The following LAPTM4B variants were observed in gnomAD, a reference collection of about 807,000 sequenced individuals.
LAPTM4B encodes the protein lysosomal-associated transmembrane protein 4B.
Under a neutral mutation model 28.5 loss-of-function variants are expected in LAPTM4B, and 26 were observed. That is an observed-to-expected ratio of 0.91 (90% CI 0.67 to 1.27). LAPTM4B has a LOEUF of 1.27. Ranked by LOEUF, LAPTM4B falls within the 50% of genes most tolerant of loss-of-function variation. The pLI, the probability that LAPTM4B is intolerant of heterozygous loss-of-function variation, is 0.00. For missense variants in LAPTM4B, 288 were observed against 285.8 expected, an observed-to-expected ratio of 1.01 and a Z score of -0.06; for synonymous variants, 109 against 106.4, an observed-to-expected ratio of 1.02 and a Z score of -0.15.
chr8:97,843,680 C>G (rs111791617), intron 6 of LAPTM4B, among the ~76,000 whole-genome samples: 2 of 151,386 alleles, frequency 1.3e-5, no homozygotes, highest in Non-Finnish European at 2.9e-5. Context: ...CTTGGGAGGC[C>G]GAGGCAGGAG....
chr8:97,848,257 C>G (rs1214998660), intron 6 of LAPTM4B, among the ~76,000 whole-genome samples: 1 of 152,112 alleles, frequency 6.6e-6, no homozygotes, highest in Non-Finnish European at 1.5e-5. Context: ...GCAAGACTCT[C>G]TCGAAACAAA....
At chr8:97,844,153 A>G (rs1215289475) in intron 6 of LAPTM4B, among the ~76,000 whole-genome samples, 1 of 152,052 alleles carries the variant, frequency 6.6e-6, no homozygotes, top group Non-Finnish European at 1.5e-5. Flanking sequence ...GTGCAGTGGC[A>G]TGATCATGAC....
intron 1 of LAPTM4B, among the ~76,000 whole-genome samples, chr8:97,798,402 CCTT>C (rs1816624339): frequency 6.6e-6 from 1 of 151,984 alleles, no homozygotes; most frequent in Non-Finnish European, 1.5e-5. Flanking sequence ...GGTTCACAGA[CCTT>C]CTTATATTAG....
chr8:97,804,059 TC>T (rs910649616), intron 1 of LAPTM4B, among the ~76,000 whole-genome samples: 179 of 152,348 alleles, frequency 1.2e-3, no homozygotes, highest in African/African-American at 4.2e-3. Context: ...GCCATAAGTT[TC>T]TGAACTTAGA....
rs1247263483 is a variant in LAPTM4B, at chr8:97,807,869, G to GT, written c.211+2407dup. On this transcript the variant is annotated intron_variant, in intron 2 of 6. Coordinates refer to ENST00000521545, the MANE Select transcript of LAPTM4B (RefSeq NM_018407.6). ...TGGATTAAGAAGTTGGGGCATTAAA[G>GT]TTACTGCAGAGATAACTTAAAAAAA... is the stretch of plus-strand genomic sequence containing the variant. Among the ~76,000 whole-genome samples, 6 of 130,054 alleles carry GT rather than the reference G, an allele frequency of 4.6e-5. No homozygotes were observed. The Admixed American group carries it at 5.2e-4, about 11-fold the overall frequency. 85.3% of individuals were successfully genotyped at this position (130,054 alleles called of 152,430 possible). A position where few individuals can be genotyped will look rare whatever the true frequency, so the allele number is the denominator to read the frequency against.
chr8:97,782,680 C>G (rs1363206829), intron 1 of LAPTM4B, among the ~76,000 whole-genome samples: 1 of 151,412 alleles, frequency 6.6e-6, no homozygotes, highest in Non-Finnish European at 1.5e-5. Context: ...TCCTGATCCA[C>G]CTGCTTCGGC....
intron 6 of LAPTM4B, among the ~76,000 whole-genome samples, chr8:97,838,679 T>TC (rs530160081): frequency 1.4e-3 from 210 of 152,310 alleles, no homozygotes; most frequent in African/African-American, 4.4e-3. Context: ...GGCCAAGTGT[T>TC]CTCACCGCCG....
chr8:97,850,472 G>GTGTGTGTGTGTGTGTGTGTGTGTA (rs1194290520), intron 6 of LAPTM4B, among the ~76,000 whole-genome samples: 3 of 144,046 alleles, frequency 2.1e-5, no homozygotes, highest in Admixed American at 7.0e-5. Context: ...AGGGGTGTGT[G>GTGTGTGTGTGTGTGTGTGTGTGTA]TGTGTGTGTG....
Position 97,851,669 on chromosome 8 carries a change from T to C in LAPTM4B, c.*195T>C. 1 of 596,966 alleles carries C rather than the reference T, an allele frequency of 1.7e-6. No homozygotes were observed. The highest frequency in any genetic ancestry group is 3.0e-6 in the Non-Finnish European group (1 of 335,710). 37.0% of individuals were successfully genotyped at this position (596,966 alleles called of 1,614,324 possible). ...TGCTGGAACACTGTGATAGATTAACTGTAGAATTCTTCCTGTACGATTGGG... is the reference window on the plus strand; with the variant it reads ...TGCTGGAACACTGTGATAGATTAACCGTAGAATTCTTCCTGTACGATTGGG... On this transcript the variant is annotated 3_prime_UTR_variant, in exon 7 of 7. Transcript: ENST00000521545.
intron 2 of LAPTM4B, among the ~76,000 whole-genome samples, chr8:97,813,469 T>A (rs1816857718): frequency 2.6e-5 from 4 of 151,850 alleles, no homozygotes; most frequent in South Asian, 2.1e-4. Flanking sequence ...CGTCTCCCAG[T>A]CCACTGACTG....
intron 1 of LAPTM4B, among the ~76,000 whole-genome samples, chr8:97,789,428 A>G (rs1212373079): frequency 6.6e-6 from 1 of 151,400 alleles, no homozygotes; most frequent in East Asian, 2.0e-4. Flanking sequence ...TGGTGTGACC[A>G]TGGCTCACTG....
chr8:97,814,754 C>T (rs751324312), intron 2 of LAPTM4B, among the ~76,000 whole-genome samples: 3 of 119,666 alleles, frequency 2.5e-5, no homozygotes, highest in South Asian at 5.3e-4. Flanking sequence ...AGTGCAGTGG[C>T]GCGATCTCGG....
chr8:97,782,043 C>T (rs190551304), intron 1 of LAPTM4B, among the ~76,000 whole-genome samples: 181 of 150,086 alleles, frequency 1.2e-3, no homozygotes, highest in Non-Finnish European at 2.0e-3. Flanking sequence ...TGCAATGGTG[C>T]GATCTCGGCT....
intron 6 of LAPTM4B, among the ~76,000 whole-genome samples, chr8:97,829,615 G>A (rs1563618082): frequency 1.3e-5 from 2 of 152,088 alleles, no homozygotes; most frequent in African/African-American, 2.4e-5. Context: ...GATAGACCTC[G>A]TAGGTAGGTA....
At chr8:97,791,465 G>A (rs1344859922) in intron 1 of LAPTM4B, among the ~76,000 whole-genome samples, 2 of 152,118 alleles carry the variant, frequency 1.3e-5, no homozygotes, top group African/African-American at 2.4e-5. Context: ...CTTTGAGTAC[G>A]TAATGGTGTC....
chr8:97,844,210 A>C (rs59628794), intron 6 of LAPTM4B, among the ~76,000 whole-genome samples: 25,732 of 151,916 alleles, frequency 0.17, 2,281 homozygotes, highest in Middle Eastern at 0.23. Flanking sequence ...CTCCTACCCC[A>C]GTCTCCCAAG....
rs941571167 is a variant in LAPTM4B, at chr8:97,789,008, T to C, written c.99+12900T>C. On this transcript the variant is annotated intron_variant, in intron 1 of 6. Transcript: ENST00000521545. ...AGCGCCCAGCCCTGACAGCCATTTTTTTGGAAAACATCTTCATTTGGTGCT... is the reference window on the plus strand; with the variant it reads ...AGCGCCCAGCCCTGACAGCCATTTTCTTGGAAAACATCTTCATTTGGTGCT... Among the ~76,000 whole-genome samples the C allele has an allele frequency of 8.6e-5, 13 of 151,736 alleles. 1 individual carries two copies. Among genetic ancestry groups the C allele is most frequent in the African/African-American group, 3.1e-4 (13 of 41,272 alleles).
chr8:97,843,348 T>C (rs1312598907), intron 6 of LAPTM4B, among the ~76,000 whole-genome samples: 1 of 151,408 alleles, frequency 6.6e-6, no homozygotes, highest in Non-Finnish European at 1.5e-5. Context: ...AATCACTTGA[T>C]CCTGGGGGGC....
rs559365595 is a variant in LAPTM4B, at chr8:97,833,017, T to C, written c.603+7864T>C. The stretch of plus-strand genomic sequence containing the variant: ...CACCGCTCCTGACCTTCTCTGACAA[T>C]ATTTTGTTAAAAGATATTTACAAAA... On this transcript the variant is annotated intron_variant, in intron 6 of 6. Transcript: ENST00000521545. Among the ~76,000 whole-genome samples the C allele has an allele frequency of 3.1e-4, 46 of 149,916 alleles. 1 individual carries two copies. In the South Asian group the frequency reaches 1.0e-2, roughly 32 times the overall value.
Sources: gnomAD v4.1 joint callset for allele counts (sites outside exome capture counted in the v4.1 genomes callset) on GRCh38, gnomAD v4.1.1 for gene constraint, MANE v1.5 for transcripts, NCBI Gene and HGNC (gene_info 2026-07-23, HGNC 2026-07-21) for gene names.